Variants in RNF111 observed in about 807,000 individuals in gnomAD.
RNF111 encodes E3 ubiquitin-protein ligase Arkadia.
In RNF111, 17 loss-of-function variants were observed where a neutral mutation model predicts 95.1. The ratio of observed to expected loss-of-function variants is 0.18; its 90% CI spans 0.12 to 0.27. The LOEUF (loss-of-function observed/expected upper bound fraction) is 0.27. Among genes scored for constraint, RNF111 ranks in the 10% least tolerant of loss-of-function variants. RNF111 has a pLI of 1.00. For missense variants in RNF111, 1,189 were observed against 1,210.4 expected (o/e 0.98, Z 0.26); for synonymous variants, 440 against 414.8 (o/e 1.06, Z -0.74).
chr15:59,031,551 T>G lies in RNF111; in HGVS notation c.729T>G (p.Ala243=), dbSNP rs764042265. ...AGAGGAAGAAACGAGAAGTGTTAGC[T>G]CGAAGAAAATATGCCTTGCTACCTA... ...LMQRKKREVL[A]RRKYALLPSS... Residue 243 remains alanine, a synonymous_variant, in exon 2 of 14, where the codon GCT becomes GCG. Transcript: ENST00000348370. The G allele has an allele frequency of 1.9e-6, 3 of 1,614,160 alleles. No individual in the cohort carries two copies. In the South Asian group the frequency reaches 3.3e-5, roughly 18 times the overall value.
chr15:59,073,156 CAGTG>C (rs1252878451), intron 6 of RNF111, among the ~76,000 whole-genome samples: 1 of 152,008 alleles, frequency 6.6e-6, no homozygotes. Context: ...GTAGGCAACA[CAGTG>C]AGACCTTGTC....
chr15:59,055,794 C>A lies in RNF111; in HGVS notation c.1120C>A (p.Pro374Thr). 1 of 1,613,884 alleles carries A rather than the reference C, an allele frequency of 6.2e-7. No individual in the cohort carries two copies. The highest frequency in any genetic ancestry group is 8.5e-7 in the Non-Finnish European group (1 of 1,179,936). ...CAGTAGGATTTCTACTGTTATACAG[C>A]CCTTGAGGCAGAATGCAGCAGAAGT... ...NRSRISTVIQ[P>T]LRQNAAEVVD... Residue 374 changes from proline (P) to threonine (T), a missense_variant, in exon 4 of 14, where the codon CCC becomes ACC. By Grantham distance (38) the Pro-to-Thr change is conservative. Coordinates refer to ENST00000348370, the MANE Select transcript of RNF111 (RefSeq NM_017610.8).
intron 2 of RNF111, among the ~76,000 whole-genome samples, chr15:59,043,929 C>T (rs1429856374): frequency 6.6e-6 from 1 of 152,176 alleles, no homozygotes; most frequent in Non-Finnish European, 1.5e-5. Context: ...TATTTTCTTG[C>T]AAGTCACTTA....
At chr15:59,071,564 G>A (rs1334820438) in intron 6 of RNF111, among the ~76,000 whole-genome samples, 1 of 151,744 alleles carries the variant, frequency 6.6e-6, no homozygotes, top group Non-Finnish European at 1.5e-5. Context: ...GTGGGGTCTC[G>A]TGCCTTTAGT....
intron 8 of RNF111, among the ~76,000 whole-genome samples, chr15:59,083,015 G>C (rs1176122098): frequency 6.6e-6 from 1 of 152,064 alleles, no homozygotes; most frequent in Non-Finnish European, 1.5e-5. Context: ...TGGGTATGGT[G>C]GCACACACCT....
intron 1 of RNF111, among the ~76,000 whole-genome samples, chr15:59,012,003 CTTTTTTTTTTTTTT>C (rs71425836): frequency 2.5e-4 from 10 of 40,450 alleles, no homozygotes; most frequent in Non-Finnish European, 3.2e-4. Context: ...GTTTGTTTGC[CTTTTTTTTTTTTTT>C]TTTTTTTTTT....
intron 1 of RNF111, among the ~76,000 whole-genome samples, chr15:59,009,432 G>A (rs1327527858): frequency 2.6e-5 from 4 of 151,368 alleles, no homozygotes; most frequent in Admixed American, 6.6e-5. Flanking sequence ...AAATGGTGAT[G>A]ACTTAATATC....
chr15:59,023,441 G>T (rs969315524), intron 1 of RNF111, among the ~76,000 whole-genome samples: 2 of 151,952 alleles, frequency 1.3e-5, no homozygotes, highest in East Asian at 1.9e-4. Flanking sequence ...CATTCCTCTT[G>T]TAAGTAGTAT....
chr15:59,067,033 C>A lies in RNF111; in HGVS notation c.1636C>A (p.Gln546Lys). ...CCCTGTGGAAAGACCTCCACAAGTA[C>A]AAGCACCTTGTGGAGCAAATAGTAG... ...ACPVERPPQVQAPCGANSSSG... is the reference protein window; with the variant it reads ...ACPVERPPQVKAPCGANSSSG... The change falls in exon 6 of 14, where the codon CAA becomes AAA. Residue 546 changes from glutamine to lysine, a missense_variant. Coordinates refer to ENST00000348370, the MANE Select transcript of RNF111 (RefSeq NM_017610.8). 1.2e-6 allele frequency: 2 copies of A among 1,614,146 alleles called. No individual in the cohort carries two copies. Among genetic ancestry groups the A allele is most frequent in the Non-Finnish European group, 1.7e-6 (2 of 1,180,002 alleles).
intron 2 of RNF111, among the ~76,000 whole-genome samples, chr15:59,048,947 A>G (rs2041838685): frequency 6.6e-6 from 1 of 151,972 alleles, no homozygotes; most frequent in African/African-American, 2.4e-5. Context: ...ACAAACAAAC[A>G]AAAATTAGCT....
intron 8 of RNF111, among the ~76,000 whole-genome samples, chr15:59,083,333 G>A (rs1424429163): frequency 6.6e-6 from 1 of 152,020 alleles, no homozygotes; most frequent in Non-Finnish European, 1.5e-5. Flanking sequence ...AGATCACAAG[G>A]TCAAGAGATT....
rs149402714 is a variant in RNF111 at position 59,008,365 on chromosome 15, G to A, written c.-20+20297G>A. Reference sequence around the variant, plus strand: ...CCTGAGTAGCTGAGACTGCAAGGACGCACCACCATGCCTGACTAGTTTTAA... The same window carrying A: ...CCTGAGTAGCTGAGACTGCAAGGACACACCACCATGCCTGACTAGTTTTAA... On this transcript the variant is annotated intron_variant, in intron 1 of 13. Coordinates refer to ENST00000348370, the MANE Select transcript of RNF111 (RefSeq NM_017610.8). Among the ~76,000 whole-genome samples, 107 of 151,988 alleles carry A rather than the reference G, an allele frequency of 7.0e-4. 2 individuals are homozygous for A. In the East Asian group the frequency reaches 0.019, roughly 27 times the overall value.
intron 6 of RNF111, among the ~76,000 whole-genome samples, chr15:59,074,119 A>C (rs2043063288): frequency 1.3e-5 from 2 of 152,224 alleles, no homozygotes; most frequent in South Asian, 4.1e-4. Flanking sequence ...AAACCACGTA[A>C]ATAGCTGTAC....
chr15:59,081,894 A>G (rs1425095493), intron 8 of RNF111, among the ~76,000 whole-genome samples: 1 of 152,134 alleles, frequency 6.6e-6, no homozygotes, highest in African/African-American at 2.4e-5. Context: ...GTGTAGTGGC[A>G]TACTCCTGTG....
At chr15:59,067,260 C>A (rs1262524108) in intron 6 of RNF111, among the ~76,000 whole-genome samples, 177 bp downstream of exon 6, 1 of 76,376 alleles carries the variant, frequency 1.3e-5, no homozygotes, top group African/African-American at 5.1e-5. Flanking sequence ...TTTTTAACTC[C>A]CTCCCATTCT....
intron 1 of RNF111, among the ~76,000 whole-genome samples, chr15:59,002,490 C>T (rs2039365474): frequency 1.3e-5 from 2 of 151,490 alleles, no homozygotes; most frequent in South Asian, 4.2e-4. Flanking sequence ...ATGTAATAAT[C>T]TTATGTAAAA....
At chr15:59,081,907 C>A (rs1173454703) in intron 8 of RNF111, among the ~76,000 whole-genome samples, 1 of 152,096 alleles carries the variant, frequency 6.6e-6, no homozygotes, top group Admixed American at 6.6e-5. Context: ...CTCCTGTGGT[C>A]CCAGCTACTG....
Position 59,058,648 on chromosome 15 carries a change from G to A in RNF111, c.1366+98G>A, listed in dbSNP as rs1596232954. ...TCTAAGATTTTAGCTATGTTAATAA[G>A]CGGGTATTCTTACATTATAATAAAC... On this transcript the variant is annotated intron_variant, in intron 5 of 13. Coordinates refer to ENST00000348370, the MANE Select transcript of RNF111 (RefSeq NM_017610.8). 3.8e-6 allele frequency: 4 copies of A among 1,058,688 alleles called. No homozygotes were observed. The East Asian group carries it at 9.5e-5, about 25-fold the overall frequency. 65.6% of individuals were successfully genotyped at this position (1,058,688 alleles called of 1,614,324 possible). A position where few individuals can be genotyped will look rare whatever the true frequency, so the allele number is the denominator to read the frequency against.
intron 1 of RNF111, among the ~76,000 whole-genome samples, chr15:59,014,201 T>A (rs1455579412): frequency 1.3e-5 from 2 of 152,222 alleles, no homozygotes; most frequent in African/African-American, 4.8e-5. Context: ...GTGTCCTGTT[T>A]GACATGCCCC....
Sources: allele counts gnomAD v4.1 joint callset (sites outside exome capture counted in the v4.1 genomes callset), GRCh38; gene constraint gnomAD v4.1.1; transcripts MANE v1.5; gene names NCBI Gene and HGNC (gene_info 2026-07-23, HGNC 2026-07-21).